The following LDLRAD3 variants were observed in gnomAD, a reference collection of about 807,000 sequenced individuals.
LDLRAD3 encodes low density lipoprotein receptor class A domain containing 3.
Under a neutral mutation model 29.4 loss-of-function variants are expected in LDLRAD3, and 20 were observed. The observed-to-expected ratio is 0.68, with a 90% CI of 0.48 to 0.99. The LOEUF (loss-of-function observed/expected upper bound fraction) is 0.99, where lower values mean the gene tolerates loss of function less well. Among genes scored for constraint, LDLRAD3 ranks in the 50% least tolerant of loss-of-function variants. LDLRAD3 has a pLI of 0.00. For synonymous variants in LDLRAD3, 157 were observed against 192.7 expected, an observed-to-expected ratio of 0.81 and a Z score of 1.53; for missense variants, 420 against 454.3, an observed-to-expected ratio of 0.92 and a Z score of 0.69.
At chr11:36,178,957 C>G (rs1015957034) in intron 4 of LDLRAD3, among the ~76,000 whole-genome samples, 1 of 152,136 alleles carries the variant, frequency 6.6e-6, no homozygotes, top group Non-Finnish European at 1.5e-5. Flanking sequence ...GCCTTGTTAC[C>G]CAGAGTATGG....
rs540829980 is a variant in LDLRAD3 at position 36,029,223 on chromosome 11, A to C, written c.47-6880A>C. Among the ~76,000 whole-genome samples, 3 of 150,164 alleles carry C rather than the reference A, an allele frequency of 2.0e-5. No individual in the cohort carries two copies. The Admixed American group carries it at 2.0e-4, about 10-fold the overall frequency. On this transcript the variant is annotated intron_variant, in intron 1 of 5. Transcript: ENST00000315571. ...TCGTGTCACTGTACTCCAGCCTGGC[A>C]ACAGAGTAAGACTCCATCTCAAAAC...
chr11:36,225,640 A>G (rs116299406), intron 4 of LDLRAD3, among the ~76,000 whole-genome samples: 1,646 of 151,544 alleles, frequency 0.011, 22 homozygotes, highest in African/African-American at 0.037. Flanking sequence ...CTCACGCACA[A>G]CTCCTTACCT....
At chr11:36,100,584 C>T (rs765180320) in intron 4 of LDLRAD3, among the ~76,000 whole-genome samples, 13 of 152,062 alleles carry the variant, frequency 8.5e-5, no homozygotes, top group African/African-American at 2.4e-4. Flanking sequence ...GGACTACAGG[C>T]GTGTGCCACC....
chr11:35,944,490 GGGAAA>G lies in LDLRAD3; in HGVS notation c.46+355_46+359del, dbSNP rs1851030913. On this transcript the variant is annotated intron_variant, in intron 1 of 5. Coordinates refer to ENST00000315571, the MANE Select transcript of LDLRAD3 (RefSeq NM_174902.4). The surrounding 1 kb of genome is among the most constrained non-coding windows in gnomAD (Gnocchi z 4.9). ...TTGTGTGTGTTGAGGAACGGAGGCG[GGGAAA>G]GGAAAGGAGAGGAGAGGAGAGAACT... is the stretch of plus-strand genomic sequence containing the variant. Among the ~76,000 whole-genome samples the G allele has an allele frequency of 6.7e-6, 1 of 149,274 alleles. No homozygotes were observed. Among genetic ancestry groups the G allele is most frequent in the African/African-American group, 2.5e-5 (1 of 39,540 alleles).
intron 1 of LDLRAD3, chr11:35,988,988 T>C (rs1851653750): frequency 6.6e-6 from 1 of 152,220 alleles, no homozygotes; most frequent in South Asian, 2.1e-4. Flanking sequence ...TACGTTTTCT[T>C]CTGGGAGTCT....
intron 4 of LDLRAD3, among the ~76,000 whole-genome samples, chr11:36,103,842 C>G (rs924752521): frequency 2.0e-5 from 3 of 152,180 alleles, no homozygotes; most frequent in Non-Finnish European, 4.4e-5. Flanking sequence ...TCCTCACGGT[C>G]CATCCATGTT....
At chr11:36,044,317 A>C (rs758368596) in intron 2 of LDLRAD3, among the ~76,000 whole-genome samples, 14 of 152,164 alleles carry the variant, frequency 9.2e-5, no homozygotes, top group Admixed American at 2.0e-4. Flanking sequence ...AACAATAGGT[A>C]CTGTTTCCTG....
intron 4 of LDLRAD3, among the ~76,000 whole-genome samples, chr11:36,133,349 TTTTCCTTTCTTTTCTTTTCTTTTC>T: frequency 1.5e-5 from 1 of 66,972 alleles, no homozygotes; most frequent in East Asian, 7.1e-4. Context: ...GTCCATTTTC[TTTTCCTTTCTTTTCTTTTCTTTTC>T]TTTTCTTTTC....
intron 4 of LDLRAD3, among the ~76,000 whole-genome samples, chr11:36,209,028 G>A (rs779420479): frequency 6.6e-6 from 1 of 152,220 alleles, no homozygotes; most frequent in African/African-American, 2.4e-5. Flanking sequence ...GGGATACACT[G>A]AATATGCTCT....
At chr11:36,195,319 G>A (rs913172275) in intron 4 of LDLRAD3, among the ~76,000 whole-genome samples, 1 of 152,112 alleles carries the variant, frequency 6.6e-6, no homozygotes, top group Non-Finnish European at 1.5e-5. Context: ...TACTATGTTG[G>A]CATTGCACAT....
At chr11:36,177,677 C>T (rs1854699553) in intron 4 of LDLRAD3, among the ~76,000 whole-genome samples, 1 of 152,216 alleles carries the variant, frequency 6.6e-6, no homozygotes, top group African/African-American at 2.4e-5. Context: ...TAATGTGATC[C>T]ATCTTCACGT....
intron 2 of LDLRAD3, among the ~76,000 whole-genome samples, chr11:36,075,823 C>T (rs770493505): frequency 1.3e-5 from 2 of 152,080 alleles, no homozygotes; most frequent in Non-Finnish European, 2.9e-5. Flanking sequence ...TTATTTTATT[C>T]TCTGTGTCAT....
intron 4 of LDLRAD3, among the ~76,000 whole-genome samples, chr11:36,191,034 A>G (rs1048562619): frequency 6.6e-6 from 1 of 152,168 alleles, no homozygotes; most frequent in Non-Finnish European, 1.5e-5. Context: ...GCTAATAAAT[A>G]CGGTCTACCA....
intron 4 of LDLRAD3, among the ~76,000 whole-genome samples, chr11:36,146,876 G>A (rs1452914817): frequency 6.6e-6 from 1 of 151,360 alleles, no homozygotes; most frequent in Non-Finnish European, 1.5e-5. Context: ...TGCAACCTCC[G>A]CCTCCCAGCT....
chr11:36,040,344 A>C (rs879419843), intron 2 of LDLRAD3, among the ~76,000 whole-genome samples: 1 of 151,938 alleles, frequency 6.6e-6, no homozygotes, highest in African/African-American at 2.4e-5. Context: ...CATATTGTAA[A>C]AATTGAGGGC....
intron 4 of LDLRAD3, among the ~76,000 whole-genome samples, chr11:36,221,439 T>G (rs1855425564): frequency 6.6e-6 from 1 of 151,002 alleles, no homozygotes; most frequent in South Asian, 2.1e-4. Flanking sequence ...GTAAGGGGTC[T>G]CCAAGTGAGC....
Position 35,944,140 on chromosome 11 carries a change from C to G in LDLRAD3, c.42C>G (p.Ala14=). 9.6e-7 allele frequency: 1 copy of G among 1,044,204 alleles called. No homozygotes were observed. Among genetic ancestry groups the G allele is most frequent in the Non-Finnish European group, 1.2e-6 (1 of 869,496 alleles). 64.7% of individuals were successfully genotyped at this position (1,044,204 alleles called of 1,614,324 possible). A position where few individuals can be genotyped will look rare whatever the true frequency, so the allele number is the denominator to read the frequency against. ...LGPLCLLLSS[A]AESQLLPGNN... ...CGCTGTGCCTGCTGCTGAGCAGCGC[C>G]GCGGGTGAGTCGGGGGGCGGCCGGC... is the stretch of plus-strand genomic sequence containing the variant. Residue 14 remains alanine, a synonymous_variant, in exon 1 of 6, where the codon GCC becomes GCG. Transcript: ENST00000315571. The surrounding 1 kb of genome is among the most constrained non-coding windows in gnomAD (Gnocchi z 4.9).
intron 4 of LDLRAD3, among the ~76,000 whole-genome samples, chr11:36,143,184 A>C (rs1854112078): frequency 6.6e-6 from 1 of 152,212 alleles, no homozygotes. Context: ...GATCAGAACC[A>C]GCATCTGAAC....
rs7944585 is a variant in LDLRAD3 at position 36,115,254 on chromosome 11, G to T, written c.454+16793G>T. 2.6e-3 allele frequency among the ~76,000 whole-genome samples: 391 copies of T among 152,330 alleles called. 2 individuals are homozygous for T. The highest frequency in any genetic ancestry group is 9.1e-3 in the African/African-American group (377 of 41,578). ...TGTGAGACCTGGAACCAAAACCACCGCTTCCTTCTCAAATTCCTAAACCAT... is the reference window on the plus strand; with the variant it reads ...TGTGAGACCTGGAACCAAAACCACCTCTTCCTTCTCAAATTCCTAAACCAT... On this transcript the variant is annotated intron_variant, in intron 4 of 5. Transcript: ENST00000315571.
Sources: gnomAD v4.1 joint callset for allele counts (sites outside exome capture counted in the v4.1 genomes callset) on GRCh38, gnomAD v4.1.1 for gene constraint, Gnocchi (gnomAD v3.1) non-coding constraint, MANE v1.5 for transcripts, NCBI Gene and HGNC (gene_info 2026-07-23, HGNC 2026-07-21) for gene names.